Variants in KHDRBS2 observed in about 807,000 individuals in gnomAD.
The protein encoded by KHDRBS2 is KH domain-containing, RNA-binding, signal transduction-associated protein 2.
A neutral mutation model predicts 44.3 loss-of-function variants in KHDRBS2; 26 were observed. That is an observed-to-expected ratio of 0.59 (90% CI 0.43 to 0.81). The LOEUF is 0.81. Among genes scored for constraint, KHDRBS2 ranks in the 40% least tolerant of loss-of-function variants. The probability of loss-of-function intolerance (pLI) is 0.00; values close to 1 mark genes in which losing one functional copy is unlikely to be tolerated. For missense variants in KHDRBS2, 476 were observed against 433.1 expected, an observed-to-expected ratio of 1.10 and a Z score of -0.88; for synonymous variants, 194 against 151.1, an observed-to-expected ratio of 1.28 and a Z score of -2.08.
chr6:62,248,672 C>A (rs1413898540), intron 1 of KHDRBS2, among the ~76,000 whole-genome samples: 1 of 152,016 alleles, frequency 6.6e-6, no homozygotes, highest in Non-Finnish European at 1.5e-5. Flanking sequence ...ATATTAGTGT[C>A]TTCAATATTA....
chr6:61,936,314 T>C (rs1811016053), intron 4 of KHDRBS2, among the ~76,000 whole-genome samples: 1 of 152,086 alleles, frequency 6.6e-6, no homozygotes, highest in Non-Finnish European at 1.5e-5. Flanking sequence ...GCAAACTGGC[T>C]TCAAAATATT....
chr6:61,963,727 C>G (rs1312014374), intron 4 of KHDRBS2, among the ~76,000 whole-genome samples: 2 of 151,948 alleles, frequency 1.3e-5, no homozygotes, highest in African/African-American at 4.8e-5. Flanking sequence ...GACACATAGC[C>G]GGCAGGATTT....
At chr6:61,762,559 T>C (rs1562115329) in intron 6 of KHDRBS2, among the ~76,000 whole-genome samples, 1 of 152,296 alleles carries the variant, frequency 6.6e-6, no homozygotes, top group East Asian at 1.9e-4. Context: ...CTCTCTTGTC[T>C]ATCTGTCTTT....
At chr6:61,582,837 T>G in the KHDRBS2 span, among the ~76,000 whole-genome samples, 1 of 151,814 alleles carries the variant, frequency 6.6e-6, no homozygotes, top group East Asian at 1.9e-4. Context: ...ATAATTTATT[T>G]TATGCATTCT....
intron 1 of KHDRBS2, among the ~76,000 whole-genome samples, chr6:62,219,013 G>A (rs9346260): frequency 0.31 from 47,318 of 151,406 alleles, 8,466 homozygotes; most frequent in Middle Eastern, 0.42. Flanking sequence ...AGCACAGGGG[G>A]GAAGAAGTGG....
At chr6:62,066,726 G>A (rs1242055142) in intron 2 of KHDRBS2, among the ~76,000 whole-genome samples, 2 of 151,604 alleles carry the variant, frequency 1.3e-5, no homozygotes, top group Non-Finnish European at 3.0e-5. Flanking sequence ...CAGTTTTCTA[G>A]GGGACATAGA....
chr6:61,814,290 C>T (rs780802883), intron 6 of KHDRBS2, among the ~76,000 whole-genome samples: 1 of 152,080 alleles, frequency 6.6e-6, no homozygotes, highest in Non-Finnish European at 1.5e-5. Flanking sequence ...TGAACACACC[C>T]CAATCTAAGA....
At chr6:62,026,082 C>T (rs906997141) in intron 3 of KHDRBS2, among the ~76,000 whole-genome samples, 2 of 151,992 alleles carry the variant, frequency 1.3e-5, no homozygotes, top group Non-Finnish European at 2.9e-5. Context: ...GGAGTTACTT[C>T]AAGTTGGTTC....
chr6:61,597,759 C>A, the KHDRBS2 span, among the ~76,000 whole-genome samples: 1 of 50,110 alleles, frequency 2.0e-5, no homozygotes. Context: ...TATATATATA[C>A]ATATATATAT....
the KHDRBS2 span, among the ~76,000 whole-genome samples, chr6:61,586,277 G>A: frequency 2.2e-4 from 34 of 152,254 alleles, no homozygotes; most frequent in African/African-American, 7.0e-4. Flanking sequence ...TGTGTCTCCC[G>A]ATATGTGTAT....
chr6:62,188,408 G>C (rs886743217), intron 1 of KHDRBS2, among the ~76,000 whole-genome samples: 1 of 152,062 alleles, frequency 6.6e-6, no homozygotes, highest in African/African-American at 2.4e-5. Flanking sequence ...TGTAGCGATT[G>C]TCCTTCTGTG....
At chr6:61,644,217 T>C in the KHDRBS2 span, among the ~76,000 whole-genome samples, 1 of 152,124 alleles carries the variant, frequency 6.6e-6, no homozygotes, top group Non-Finnish European at 1.5e-5. Flanking sequence ...GGACTCCTGA[T>C]TCAAAAATGG....
intron 2 of KHDRBS2, among the ~76,000 whole-genome samples, chr6:62,163,029 C>A (rs1201576360): frequency 6.6e-6 from 1 of 151,910 alleles, no homozygotes; most frequent in Non-Finnish European, 1.5e-5. Context: ...TTGGCTGGAT[C>A]AGAAACTTAT....
chr6:61,845,983 G>T (rs1235901885), intron 6 of KHDRBS2, among the ~76,000 whole-genome samples: 3 of 152,116 alleles, frequency 2.0e-5, no homozygotes, highest in African/African-American at 4.8e-5. Context: ...TCGTGATAGT[G>T]AGTTTTCATG....
chr6:61,695,696 G>T (rs890064002), intron 8 of KHDRBS2, among the ~76,000 whole-genome samples: 1 of 152,066 alleles, frequency 6.6e-6, no homozygotes, highest in African/African-American at 2.4e-5. Flanking sequence ...TTACTTTAAA[G>T]AAATAAATAC....
intron 6 of KHDRBS2, among the ~76,000 whole-genome samples, chr6:61,738,228 T>C (rs548366515): frequency 6.0e-4 from 92 of 152,112 alleles, no homozygotes; most frequent in African/African-American, 2.0e-3. Context: ...ATCCGATGTG[T>C]CCAGTAAAAG....
At chr6:61,629,532 T>C in the KHDRBS2 span, among the ~76,000 whole-genome samples, 1 of 152,176 alleles carries the variant, frequency 6.6e-6, no homozygotes, top group Non-Finnish European at 1.5e-5. Flanking sequence ...AGACATACCT[T>C]GTGCAGAAAT....
chr6:61,779,739 T>G (rs913176316), intron 6 of KHDRBS2, among the ~76,000 whole-genome samples: 3 of 152,132 alleles, frequency 2.0e-5, no homozygotes, highest in African/African-American at 7.2e-5. Flanking sequence ...TTTCAGGCAT[T>G]GTGCTACATT....
intron 6 of KHDRBS2, among the ~76,000 whole-genome samples, chr6:61,760,607 G>T (rs1166448135): frequency 6.6e-6 from 1 of 151,618 alleles, no homozygotes; most frequent in African/African-American, 2.4e-5. Flanking sequence ...ACTCCAGCCT[G>T]GGCAACAGAG....
Sources: allele counts gnomAD v4.1 joint callset (sites outside exome capture counted in the v4.1 genomes callset), GRCh38; gene constraint gnomAD v4.1.1; transcripts MANE v1.5; gene names NCBI Gene and HGNC (gene_info 2026-07-23, HGNC 2026-07-21).